LATS2: variants seen among roughly 807,000 people sequenced by gnomAD.
The protein encoded by LATS2 is large tumor suppressor kinase 2, also known as serine/threonine-protein kinase LATS2.
A neutral mutation model predicts 76.0 loss-of-function variants in LATS2; 24 were observed. The observed-to-expected ratio is 0.32, with a 90% CI of 0.23 to 0.44. The LOEUF (loss-of-function observed/expected upper bound fraction) is 0.44, where lower values mean the gene tolerates loss of function less well. LATS2 is among the 20% of genes least tolerant of loss of function. The probability of loss-of-function intolerance (pLI) is 1.00; values close to 1 mark genes in which losing one functional copy is unlikely to be tolerated. For missense variants in LATS2, 1,286 were observed against 1,481.2 expected (o/e 0.87, Z 2.16); for synonymous variants, 692 against 635.4 (o/e 1.09, Z -1.34).
chr13:21,060,889 G>A (rs1227883922), intron 1 of LATS2, among the ~76,000 whole-genome samples: 1 of 151,368 alleles, frequency 6.6e-6, no homozygotes, highest in African/African-American at 2.4e-5. Flanking sequence ...GCGCCCGGCC[G>A]GGCGTCTAGT....
At chr13:21,027,656 A>G (rs1872359104) in intron 2 of LATS2, among the ~76,000 whole-genome samples, 1 of 152,174 alleles carries the variant, frequency 6.6e-6, no homozygotes, top group Non-Finnish European at 1.5e-5. Flanking sequence ...TCTGGTCCAA[A>G]GTCAGGTCTA....
In LATS2 at chr13:21,057,916, CT is replaced by C. The variant is rs1873499009; in HGVS notation, c.-205+3429del. 2.0e-5 allele frequency among the ~76,000 whole-genome samples: 3 copies of C among 152,228 alleles called. 1 individual carries two copies. Among genetic ancestry groups the C allele is most frequent in the Non-Finnish European group, 4.4e-5 (3 of 68,044 alleles). The stretch of plus-strand genomic sequence containing the variant: ...CATCCCAAGCAGGGCTGCCCTCACA[CT>C]GGGGCCATCACAGGGCACTCTATGT... On this transcript the variant is annotated intron_variant, in intron 1 of 7. Coordinates refer to ENST00000382592, the MANE Select transcript of LATS2 (RefSeq NM_014572.3).
Position 20,975,379 on chromosome 13 carries a change from G to C in LATS2, c.2773-15C>G, listed in dbSNP as rs764592742. The C allele has an allele frequency of 1.3e-6, 2 of 1,531,708 alleles. No homozygotes were observed. Among genetic ancestry groups the C allele is most frequent in the African/African-American group, 1.4e-5 (1 of 72,160 alleles). 94.9% of individuals were successfully genotyped at this position (1,531,708 alleles called of 1,614,324 possible). On this transcript the variant is annotated splice_polypyrimidine_tract_variant and intron_variant, in intron 7 of 7. Transcript: ENST00000382592. ...CAGTTGATCACCTGAGGAAACAACA[G>C]AGCCAACAGGTTAGTTTCTCCTCAC...
chr13:20,989,407 G>C, intron 3 of LATS2, 103 bp from the exon 4 acceptor site: 1 of 1,237,888 alleles, frequency 8.1e-7, no homozygotes. Context: ...CGGGGCTGAG[G>C]GTCTTGAACC....
At chr13:21,004,726 G>C (rs1229459286) in intron 2 of LATS2, among the ~76,000 whole-genome samples, 2 of 152,092 alleles carry the variant, frequency 1.3e-5, no homozygotes, top group African/African-American at 4.8e-5. Context: ...GAATCCAAGG[G>C]GTCTGAGAGC....
chr13:21,056,678 T>C (rs191477948), intron 1 of LATS2, among the ~76,000 whole-genome samples: 33 of 152,316 alleles, frequency 2.2e-4, no homozygotes, highest in African/African-American at 7.7e-4. Context: ...GCTAGGGAGT[T>C]AGAACACCCC....
intron 2 of LATS2, among the ~76,000 whole-genome samples, chr13:21,032,342 T>C (rs1872556037): frequency 6.6e-6 from 1 of 152,208 alleles, no homozygotes; most frequent in South Asian, 2.1e-4. Context: ...CTTGGCTCAC[T>C]GCAACCTCTG....
chr13:21,051,221 A>G (rs1565966735), intron 1 of LATS2, among the ~76,000 whole-genome samples: 1 of 152,202 alleles, frequency 6.6e-6, no homozygotes, highest in Admixed American at 6.5e-5. Context: ...AGGGCCCTTG[A>G]GCAGTGCACA....
chr13:20,980,118 C>T (rs904400226), intron 6 of LATS2, among the ~76,000 whole-genome samples: 1 of 152,090 alleles, frequency 6.6e-6, no homozygotes, highest in Non-Finnish European at 1.5e-5. Context: ...AACAGAGGCA[C>T]CAATTAAAAT....
intron 2 of LATS2, among the ~76,000 whole-genome samples, chr13:21,032,504 C>T (rs1169821281): frequency 6.6e-6 from 1 of 152,144 alleles, no homozygotes; most frequent in Non-Finnish European, 1.5e-5. Flanking sequence ...TGGCCTCAAG[C>T]AATCGCCCAC....
chr13:21,040,358 C>T (rs1352696101), intron 2 of LATS2, among the ~76,000 whole-genome samples: 2 of 145,592 alleles, frequency 1.4e-5, no homozygotes, highest in South Asian at 2.1e-4. Context: ...ACTACAGCCT[C>T]GGCGACAGAC....
chr13:20,996,271 C>A (rs2138306985), intron 2 of LATS2, among the ~76,000 whole-genome samples: 1 of 152,276 alleles, frequency 6.6e-6, no homozygotes, highest in Non-Finnish European at 1.5e-5. Context: ...CTTACCAGTT[C>A]TCTCAGGGCT....
chr13:21,012,854 A>G (rs1871652868), intron 2 of LATS2, among the ~76,000 whole-genome samples: 1 of 152,186 alleles, frequency 6.6e-6, no homozygotes, highest in African/African-American at 2.4e-5. Flanking sequence ...CTGAGGCTAA[A>G]ATAGATTAGC....
intron 5 of LATS2, 118 bp from the exon 6 acceptor site, chr13:20,981,766 T>G: frequency 1.2e-6 from 1 of 837,042 alleles, no homozygotes; most frequent in Non-Finnish European, 1.8e-6. Context: ...AATCAGCTCC[T>G]GACATATCAG....
At chr13:20,989,905 C>A (rs1306402989) in intron 3 of LATS2, among the ~76,000 whole-genome samples, 1 of 152,204 alleles carries the variant, frequency 6.6e-6, no homozygotes, top group African/African-American at 2.4e-5. Flanking sequence ...AGATTGATTT[C>A]ATCTGCTGCT....
At chr13:21,025,499 G>A (rs1391408914) in intron 2 of LATS2, among the ~76,000 whole-genome samples, 1 of 152,066 alleles carries the variant, frequency 6.6e-6, no homozygotes. Flanking sequence ...GAAGACCTGT[G>A]GAGGGTTTCT....
At chr13:20,977,225 A>G (rs1015604643) in intron 7 of LATS2, among the ~76,000 whole-genome samples, 3 of 152,050 alleles carry the variant, frequency 2.0e-5, no homozygotes, top group African/African-American at 7.2e-5. Flanking sequence ...ATGAAGCCAC[A>G]TCTCTACTAA....
At position 20,988,964 on chromosome 13, in the gene LATS2, G is replaced by A; in HGVS notation, c.816C>T (p.Ser272=). Residue 272 remains serine (S), a synonymous_variant, in exon 4 of 8, where the codon AGC becomes AGT. Coordinates refer to ENST00000382592, the MANE Select transcript of LATS2 (RefSeq NM_014572.3). ...GCGGCGTCTTGCTCTGGAAGGAGGGGCTGCGCTGCACTCCGTAGCCCAGGG... is the reference window on the plus strand; with the variant it reads ...GCGGCGTCTTGCTCTGGAAGGAGGGACTGCGCTGCACTCCGTAGCCCAGGG... The part of the protein sequence containing the change: ...GEPLGYGVQR[S]PSFQSKTPPE... The A allele has an allele frequency of 2.6e-6, 4 of 1,538,586 alleles. 1 individual carries two copies. The South Asian group carries it at 3.5e-5, about 14-fold the overall frequency.
At chr13:21,028,656 C>T (rs1160783964) in intron 2 of LATS2, among the ~76,000 whole-genome samples, 2 of 152,268 alleles carry the variant, frequency 1.3e-5, no homozygotes, top group South Asian at 2.1e-4. Flanking sequence ...CCGCAACCTC[C>T]GCCTCCCGGG....
Sources: gnomAD v4.1 joint callset for allele counts (sites outside exome capture counted in the v4.1 genomes callset) on GRCh38, gnomAD v4.1.1 for gene constraint, MANE v1.5 for transcripts, NCBI Gene and HGNC (gene_info 2026-07-23, HGNC 2026-07-21) for gene names.